Variants in FRMD6 observed in about 807,000 individuals in gnomAD.
The protein encoded by FRMD6 is FERM domain-containing protein 6.
In FRMD6, 37 loss-of-function variants were observed where a neutral mutation model predicts 73.2. The observed-to-expected ratio is 0.51, with a 90% confidence interval of 0.39 to 0.66. FRMD6 has a LOEUF of 0.66. FRMD6 is among the 30% of genes least tolerant of loss of function. FRMD6 has a pLI of 0.00. For missense variants in FRMD6, 714 were observed against 780.5 expected (o/e 0.91, Z 1.02); for synonymous variants, 273 against 282.2 (o/e 0.97, Z 0.33).
chr14:51,562,648 A>G (rs1887546100), intron 1 of FRMD6, among the ~76,000 whole-genome samples: 1 of 152,206 alleles, frequency 6.6e-6, no homozygotes, highest in Admixed American at 6.5e-5. Flanking sequence ...TAAACAGGTT[A>G]TCATAATGGG....
the FRMD6 span, among the ~76,000 whole-genome samples, chr14:51,465,823 A>G: frequency 6.6e-6 from 1 of 152,312 alleles, no homozygotes; most frequent in African/African-American, 2.4e-5. Flanking sequence ...ACTGTATCTA[A>G]GAAGAGAATG....
At chr14:51,593,665 A>G (rs1594570340) in intron 2 of FRMD6, among the ~76,000 whole-genome samples, 2 of 152,164 alleles carry the variant, frequency 1.3e-5, no homozygotes, top group South Asian at 4.1e-4. Flanking sequence ...TGACGAATCC[A>G]GCTGTTTTGA....
the FRMD6 span, among the ~76,000 whole-genome samples, chr14:51,437,629 C>G: frequency 6.6e-6 from 1 of 152,162 alleles, no homozygotes; most frequent in Non-Finnish European, 1.5e-5. Context: ...AAAATTTTCT[C>G]CAATCCCTGG....
At chr14:51,609,724 C>A (rs111630501) in intron 2 of FRMD6, among the ~76,000 whole-genome samples, 1 of 152,098 alleles carries the variant, frequency 6.6e-6, no homozygotes, top group Non-Finnish European at 1.5e-5. Context: ...GCAGGAGATG[C>A]GGCTCAAGAG....
chr14:51,588,792 T>C (rs974222531), intron 2 of FRMD6, among the ~76,000 whole-genome samples: 3 of 152,162 alleles, frequency 2.0e-5, no homozygotes, highest in African/African-American at 7.2e-5. Context: ...CACAGACTCA[T>C]GGGAAGGCCA....
At chr14:51,694,046 C>T (rs1895781417) in intron 2 of FRMD6, among the ~76,000 whole-genome samples, 1 of 152,192 alleles carries the variant, frequency 6.6e-6, no homozygotes, top group Non-Finnish European at 1.5e-5. Flanking sequence ...ATTTCTCTCT[C>T]TATAACAATG....
chr14:51,613,633 A>G (rs1175881019), intron 2 of FRMD6, among the ~76,000 whole-genome samples: 2 of 152,128 alleles, frequency 1.3e-5, no homozygotes, highest in African/African-American at 2.4e-5. Flanking sequence ...TGTCAGCATC[A>G]TAGCTCCCCG....
At chr14:51,469,340 C>G in the FRMD6 span, among the ~76,000 whole-genome samples, 2 of 147,880 alleles carry the variant, frequency 1.4e-5, no homozygotes, top group Non-Finnish European at 3.0e-5. Flanking sequence ...ATGGCTGGGC[C>G]CTATGGCTCA....
intron 1 of FRMD6, among the ~76,000 whole-genome samples, chr14:51,668,467 G>T (rs1350471320): frequency 6.6e-6 from 1 of 151,886 alleles, no homozygotes; most frequent in African/African-American, 2.4e-5. Flanking sequence ...TACCATGCTC[G>T]GCTAATTTTT....
the FRMD6 span, among the ~76,000 whole-genome samples, chr14:51,463,028 A>G: frequency 1.3e-5 from 2 of 152,216 alleles, no homozygotes; most frequent in African/African-American, 2.4e-5. Flanking sequence ...AGCATTTGCC[A>G]TGTATAGATA....
At position 51,507,021 on chromosome 14, in the gene FRMD6, A is replaced by G. The variant is rs1245046446; in HGVS notation, c.-210+17601A>G. 2.0e-5 allele frequency among the ~76,000 whole-genome samples: 3 copies of G among 150,608 alleles called. No homozygotes were observed. In the East Asian group the frequency reaches 6.0e-4, roughly 30 times the overall value. On this transcript the variant is annotated intron_variant, in intron 1 of 14. Coordinates refer to the FRMD6 transcript ENST00000356218. ...TGTTAATTGTGCTTGTTCCCAGTTGATGGTTTCTTTACACCGTTCTATATT... is the reference window on the plus strand; with the variant it reads ...TGTTAATTGTGCTTGTTCCCAGTTGGTGGTTTCTTTACACCGTTCTATATT...
Position 51,720,106 on chromosome 14 carries a change from T to C in FRMD6, c.1076T>C (p.Met359Thr). 6.2e-7 allele frequency: 1 copy of C among 1,613,726 alleles called. No individual in the cohort carries two copies. The highest frequency in any genetic ancestry group is 8.5e-7 in the Non-Finnish European group (1 of 1,179,996). The change falls in exon 11 of 14, where the codon ATG becomes ACG. Residue 359 changes from methionine (M) to threonine (T), a missense_variant. Transcript: ENST00000344768. ...ATCAGTGACAACCTGGACCTCGACA[T>C]GGACCAGCTGGAAAAACGGTCGCGG... ...SYISDNLDLD[M>T]DQLEKRSRAS...
chr14:51,673,609 A>G (rs1374566468), intron 1 of FRMD6, among the ~76,000 whole-genome samples: 2 of 152,294 alleles, frequency 1.3e-5, no homozygotes, highest in East Asian at 1.9e-4. Flanking sequence ...GCAGAGGACA[A>G]TTCCTGCAGC....
At chr14:51,450,489 A>T in the FRMD6 span, among the ~76,000 whole-genome samples, 1 of 152,188 alleles carries the variant, frequency 6.6e-6, no homozygotes, top group Non-Finnish European at 1.5e-5. Context: ...AATGAAGCTC[A>T]TTCAAAAGAT....
chr14:51,438,193 T>G, the FRMD6 span, among the ~76,000 whole-genome samples: 1 of 152,248 alleles, frequency 6.6e-6, no homozygotes. Context: ...TTGACAGACA[T>G]CCTTACAGTT....
intron 2 of FRMD6, among the ~76,000 whole-genome samples, chr14:51,691,588 A>ATTTTTTTTTTTTTTTTTTTTT (rs758677611): frequency 3.3e-4 from 25 of 75,136 alleles, no homozygotes; most frequent in East Asian, 7.3e-4. Context: ...TTTGATTTTG[A>ATTTTTTTTTTTTTTTTTTTTT]TTTTTTTTTT....
chr14:51,587,845 C>T (rs1397185435), intron 2 of FRMD6, among the ~76,000 whole-genome samples: 1 of 152,108 alleles, frequency 6.6e-6, no homozygotes, highest in East Asian at 1.9e-4. Flanking sequence ...CTTGAGGGTC[C>T]TTCCTACTGA....
intron 1 of FRMD6, among the ~76,000 whole-genome samples, chr14:51,502,169 G>A (rs890185378): frequency 1.3e-5 from 2 of 152,088 alleles, no homozygotes; most frequent in Non-Finnish European, 2.9e-5. Context: ...TCTGATTATA[G>A]TTTATTTTGC....
At chr14:51,489,803 A>C (rs552501871) in intron 1 of FRMD6, among the ~76,000 whole-genome samples, 1 of 152,346 alleles carries the variant, frequency 6.6e-6, no homozygotes, top group South Asian at 2.1e-4. Flanking sequence ...TCAAAAACAC[A>C]GATGATAACC....
Sources: gnomAD v4.1 joint callset for allele counts (sites outside exome capture counted in the v4.1 genomes callset) on GRCh38, gnomAD v4.1.1 for gene constraint, MANE v1.5 for transcripts, NCBI Gene and HGNC (gene_info 2026-07-23, HGNC 2026-07-21) for gene names.